Variants in NCALD observed in about 807,000 individuals in gnomAD.
NCALD encodes neurocalcin-delta.
A neutral mutation model predicts 18.6 loss-of-function variants in NCALD; 10 were observed. That is an observed-to-expected ratio of 0.54 (90% confidence interval 0.33 to 0.91). NCALD has a LOEUF of 0.91. Ranked by LOEUF, NCALD falls within the 40% of genes least tolerant of loss-of-function variation. The pLI is 0.03. For synonymous variants in NCALD, 88 were observed against 87.4 expected (o/e 1.01, Z -0.04); for missense variants, 184 against 247.6 (o/e 0.74, Z 1.72).
At chr8:101,742,231 A>AAAAAAAAAAGAAAGAAAG (rs1491356521) in intron 1 of NCALD, among the ~76,000 whole-genome samples, 1 of 26,216 alleles carries the variant, frequency 3.8e-5, no homozygotes, top group East Asian at 1.6e-3. Flanking sequence ...TGTCTCAAAG[A>AAAAAAAAAAGAAAGAAAG]AAAAAAAAAA....
chr8:101,738,859 C>G (rs534196678), intron 1 of NCALD, among the ~76,000 whole-genome samples: 1 of 152,170 alleles, frequency 6.6e-6, no homozygotes, highest in Non-Finnish European at 1.5e-5. Context: ...AAGCACTCAA[C>G]AGTATCTTAA....
At chr8:102,041,356 T>G (rs959663213) in intron 1 of NCALD, among the ~76,000 whole-genome samples, 5 of 152,220 alleles carry the variant, frequency 3.3e-5, no homozygotes, top group Non-Finnish European at 1.5e-5. Context: ...GCATGTTGGT[T>G]TATTTGAGAC....
chr8:101,991,663 G>C (rs1345229670), intron 2 of NCALD, among the ~76,000 whole-genome samples: 1 of 152,156 alleles, frequency 6.6e-6, no homozygotes. Context: ...TGAAAAGAGA[G>C]AGCAATACAG....
chr8:101,980,744 T>G (rs920050926), intron 2 of NCALD, among the ~76,000 whole-genome samples: 2 of 152,206 alleles, frequency 1.3e-5, no homozygotes, highest in African/African-American at 4.8e-5. Context: ...TGATGACTAA[T>G]GCTGTGCAAA....
At chr8:101,818,683 G>A (rs1011053058) in intron 4 of NCALD, among the ~76,000 whole-genome samples, 2 of 152,064 alleles carry the variant, frequency 1.3e-5, no homozygotes, top group Admixed American at 6.6e-5. Context: ...GTTGCTTCTA[G>A]ATTTTCCCTA....
At chr8:101,958,085 G>T (rs780035479) in intron 2 of NCALD, among the ~76,000 whole-genome samples, 1 of 152,158 alleles carries the variant, frequency 6.6e-6, no homozygotes, top group Non-Finnish European at 1.5e-5. Context: ...ACCATGCAGG[G>T]TCTCAGTCCT....
chr8:101,872,014 A>G (rs1157950508), intron 4 of NCALD: 1 of 1,010,330 alleles, frequency 9.9e-7, no homozygotes, highest in East Asian at 2.4e-5. Context: ...CAGAGGACCG[A>G]TCAACTGAGC....
At chr8:101,850,187 C>A (rs775496543) in intron 4 of NCALD, among the ~76,000 whole-genome samples, 14 of 152,160 alleles carry the variant, frequency 9.2e-5, no homozygotes, top group South Asian at 4.1e-4. Context: ...AGTCCCTACC[C>A]TGCAAAGGAA....
intron 2 of NCALD, among the ~76,000 whole-genome samples, chr8:101,920,898 C>T (rs907698110): frequency 2.0e-5 from 3 of 152,136 alleles, no homozygotes; most frequent in African/African-American, 7.2e-5. Context: ...AAAAAAGGAA[C>T]TAACTGACGC....
In NCALD at chr8:101,688,825, G is replaced by T; in HGVS notation, c.*484C>A. ...GGAAATGTCCCAGCTCGCTGGAATA[G>T]CCTCACCCCAGAGGGTAACTTGTTC... On this transcript the variant is annotated 3_prime_UTR_variant, in exon 4 of 4. Transcript: ENST00000220931. 1 of 634,520 alleles carries T rather than the reference G, an allele frequency of 1.6e-6. No individual in the cohort carries two copies. Among genetic ancestry groups the T allele is most frequent in the African/African-American group, 1.8e-5 (1 of 55,670 alleles). The allele number at this position is 634,520 out of a possible 1,614,324, so 39.3% of individuals were successfully genotyped here.
chr8:102,053,443 C>T (rs572802688), intron 1 of NCALD, among the ~76,000 whole-genome samples: 3 of 152,030 alleles, frequency 2.0e-5, no homozygotes, highest in East Asian at 3.9e-4. Context: ...TGAGTAACAC[C>T]GCTTGACCAC....
At chr8:101,937,213 G>T (rs904203978) in intron 2 of NCALD, among the ~76,000 whole-genome samples, 7 of 109,912 alleles carry the variant, frequency 6.4e-5, no homozygotes, top group African/African-American at 2.5e-4. Context: ...TTAGGTTCGG[G>T]GGTAACATGT....
chr8:101,848,540 A>T (rs1355390899), intron 4 of NCALD, among the ~76,000 whole-genome samples: 1 of 152,194 alleles, frequency 6.6e-6, no homozygotes, highest in Admixed American at 6.5e-5. Context: ...TTATATTTAC[A>T]AAAGAAGAGG....
chr8:101,890,473 C>T (rs1563862498), intron 3 of NCALD, among the ~76,000 whole-genome samples: 1 of 152,122 alleles, frequency 6.6e-6, no homozygotes, highest in African/African-American at 2.4e-5. Context: ...ACTTAATCCC[C>T]AATGCAACAG....
intron 3 of NCALD, among the ~76,000 whole-genome samples, chr8:101,888,504 A>C (rs1359311384): frequency 1.3e-5 from 2 of 152,038 alleles, no homozygotes; most frequent in Non-Finnish European, 2.9e-5. Flanking sequence ...TGTAACCTCA[A>C]ACTTCTATGC....
chr8:101,768,724 A>C (rs1297714467), intron 1 of NCALD, among the ~76,000 whole-genome samples: 3 of 12,630 alleles, frequency 2.4e-4, no homozygotes, highest in African/African-American at 4.5e-4. Context: ...ACAAAAAAAC[A>C]AAAAAAAAAA....
chr8:101,699,445 T>C (rs1010878939), intron 2 of NCALD, among the ~76,000 whole-genome samples: 2 of 152,172 alleles, frequency 1.3e-5, no homozygotes, highest in Admixed American at 6.5e-5. Context: ...CATTCTACTA[T>C]AAAGACACAT....
In NCALD at chr8:101,983,787, A is replaced by G. The variant is rs896211846; in HGVS notation, c.-157+36450T>C. Reference sequence around the variant, plus strand: ...AGGTGATCAGAAAGAAGAGGAACTGATGGGTTTACTCTTCCCACCATCTTC... The same window carrying G: ...AGGTGATCAGAAAGAAGAGGAACTGGTGGGTTTACTCTTCCCACCATCTTC... On this transcript the variant is annotated intron_variant, in intron 2 of 6. Transcript: ENST00000311028. Among the ~76,000 whole-genome samples, 10 of 152,190 alleles carry G rather than the reference A, an allele frequency of 6.6e-5. No individual in the cohort carries two copies. The East Asian group carries it at 1.9e-3, about 29-fold the overall frequency.
intron 1 of NCALD, among the ~76,000 whole-genome samples, chr8:101,722,383 G>GT (rs1339388544): frequency 1.3e-5 from 2 of 152,118 alleles, no homozygotes; most frequent in African/African-American, 4.8e-5. Flanking sequence ...GAAACATCCG[G>GT]TAATACATAA....
Sources: gnomAD v4.1 joint callset for allele counts (sites outside exome capture counted in the v4.1 genomes callset) on GRCh38, gnomAD v4.1.1 for gene constraint, MANE v1.5 for transcripts, NCBI Gene and HGNC (gene_info 2026-07-23, HGNC 2026-07-21) for gene names.